Variants in PCDHGA12 observed in about 807,000 individuals in gnomAD.
The protein encoded by PCDHGA12 is protocadherin gamma subfamily A, 12.
Under a neutral mutation model 61.1 loss-of-function variants are expected in PCDHGA12, and 43 were observed. The ratio of observed to expected loss-of-function variants is 0.70; its 90% CI spans 0.55 to 0.91. PCDHGA12 has a LOEUF of 0.91. Among genes scored for constraint, PCDHGA12 ranks in the 40% least tolerant of loss-of-function variants. The pLI, the probability that PCDHGA12 is intolerant of heterozygous loss-of-function variation, is 0.00. For synonymous variants in PCDHGA12, 520 were observed against 542.9 expected (o/e 0.96, Z 0.59); for missense variants, 1,236 against 1,227.7 (o/e 1.01, Z -0.10).
intron 1 of PCDHGA12, among the ~76,000 whole-genome samples, chr5:141,492,337 C>T (rs559700346): frequency 1.0e-3 from 158 of 152,324 alleles, no homozygotes; most frequent in African/African-American, 3.7e-3. Flanking sequence ...TACGCGAATA[C>T]CAGCTTTCAC....
In PCDHGA12 at chr5:141,486,757, C is replaced by A; in HGVS notation, c.2425-8050C>A. 5 of 1,614,228 alleles carry A rather than the reference C, an allele frequency of 3.1e-6. No homozygotes were observed. Among genetic ancestry groups the A allele is most frequent in the Non-Finnish European group, 4.2e-6 (5 of 1,180,036 alleles). ...CTCGATCCTTTGACTATGAGCAAAC[C>A]CAGACACTGCAGTTTGAGGTGCAGG... On this transcript the variant is annotated intron_variant, in intron 1 of 3. Coordinates refer to ENST00000252085, the MANE Select transcript of PCDHGA12 (RefSeq NM_003735.3). This position sits in a 1 kb window ranked among gnomAD's most constrained non-coding sequence, Gnocchi z 5.0.
At chr5:141,483,648 TTGTGTGTGTG>T (rs111458813) in intron 1 of PCDHGA12, among the ~76,000 whole-genome samples, 35 of 149,708 alleles carry the variant, frequency 2.3e-4, no homozygotes, top group Non-Finnish European at 4.6e-4. Flanking sequence ...GGGTGTGTGT[TTGTGTGTGTG>T]TGTGTGTGTG....
chr5:141,494,764 T>A (rs773955144), intron 1 of PCDHGA12, 43 bp from the exon 2 acceptor site: 1 of 1,613,932 alleles, frequency 6.2e-7, no homozygotes, highest in Non-Finnish European at 8.5e-7. Context: ...ACATTCTAAC[T>A]TCTCACGGGT....
intron 1 of PCDHGA12, among the ~76,000 whole-genome samples, chr5:141,438,119 A>G (rs2097930168): frequency 6.6e-6 from 1 of 152,220 alleles, no homozygotes; most frequent in Non-Finnish European, 1.5e-5. Flanking sequence ...ATGCATTCCT[A>G]AAATATTAAT....
chr5:141,461,813 C>T (rs2099023751), intron 1 of PCDHGA12, among the ~76,000 whole-genome samples: 1 of 151,846 alleles, frequency 6.6e-6, no homozygotes, highest in African/African-American at 2.4e-5. Flanking sequence ...ACCACCACAC[C>T]CAGCTAATTT....
intron 1 of PCDHGA12, among the ~76,000 whole-genome samples, chr5:141,442,913 AACT>A (rs1163578304): frequency 6.6e-6 from 1 of 152,214 alleles, no homozygotes. Flanking sequence ...TTCAGCACAC[AACT>A]GTTTCATTTT....
chr5:141,506,253 G>A (rs1332023284), intron 3 of PCDHGA12, among the ~76,000 whole-genome samples: 2 of 151,862 alleles, frequency 1.3e-5, no homozygotes, highest in Non-Finnish European at 2.9e-5. Flanking sequence ...GTTCGAAACC[G>A]GCCTGGCCAA....
chr5:141,462,597 T>C (rs182073985), intron 1 of PCDHGA12, among the ~76,000 whole-genome samples: 1 of 152,320 alleles, frequency 6.6e-6, no homozygotes, highest in East Asian at 1.9e-4. Context: ...TTCCATTTCA[T>C]ATATTGTATT....
At chr5:141,463,610 G>A (rs189991450) in intron 1 of PCDHGA12, among the ~76,000 whole-genome samples, 2 of 151,672 alleles carry the variant, frequency 1.3e-5, no homozygotes, top group Admixed American at 6.6e-5. Flanking sequence ...CACCATGCCC[G>A]GCTAATTTTT....
At chr5:141,438,985 A>G (rs1461265086) in intron 1 of PCDHGA12, among the ~76,000 whole-genome samples, 1 of 151,940 alleles carries the variant, frequency 6.6e-6, no homozygotes, top group Non-Finnish European at 1.5e-5. Context: ...ACTTATCTTA[A>G]AAGGCTAAGG....
intron 2 of PCDHGA12, among the ~76,000 whole-genome samples, chr5:141,502,200 C>T (rs553356132): frequency 6.6e-6 from 1 of 152,252 alleles, no homozygotes; most frequent in African/African-American, 2.4e-5. Flanking sequence ...AATATAGAAT[C>T]CACCAGCAGA....
intron 1 of PCDHGA12, among the ~76,000 whole-genome samples, chr5:141,469,723 C>G (rs2099209474): frequency 6.6e-6 from 1 of 152,210 alleles, no homozygotes; most frequent in Non-Finnish European, 1.5e-5. Context: ...AGGAATTTAT[C>G]ATAAATACAC....
rs768938171 is a variant in PCDHGA12 at position 141,487,276 on chromosome 5, C to T, written c.2425-7531C>T. ...TGGCTGTGTCCCTAGTGGCAATTTG[C>T]TTTGTCTCCTTTGGCTCATTCGTGG... On this transcript the variant is annotated intron_variant, in intron 1 of 3. Transcript: ENST00000252085. The surrounding 1 kb of genome is among the most constrained non-coding windows in gnomAD (Gnocchi z 5.0). The T allele has an allele frequency of 2.5e-6, 4 of 1,614,158 alleles. No homozygotes were observed. The East Asian group carries it at 8.9e-5, about 36-fold the overall frequency.
In PCDHGA12 at chr5:141,485,051, CCGAACCGCG is replaced by C. The variant is rs2099605816; in HGVS notation, c.2425-9754_2425-9746del. On this transcript the variant is annotated intron_variant, in intron 1 of 3. Coordinates refer to ENST00000252085, the MANE Select transcript of PCDHGA12 (RefSeq NM_003735.3). This position sits in a 1 kb window ranked among gnomAD's most constrained non-coding sequence, Gnocchi z 5.7. ...CGGCGCGTAACCCTTGCGGCGCCGG[CCGAACCGCG>C]CCAGAGCTGGCGCGGGGAAAGGGAG... 1.2e-6 allele frequency: 1 copy of C among 801,304 alleles called. No individual in the cohort carries two copies. Among genetic ancestry groups the C allele is most frequent in the East Asian group, 2.5e-5 (1 of 40,224 alleles). 49.6% of individuals were successfully genotyped at this position (801,304 alleles called of 1,614,324 possible). A position where few individuals can be genotyped will look rare whatever the true frequency, so the allele number is the denominator to read the frequency against.
chr5:141,475,984 G>C (rs1282216343), intron 1 of PCDHGA12: 1 of 1,069,308 alleles, frequency 9.4e-7, no homozygotes, highest in Non-Finnish European at 1.3e-6. Flanking sequence ...AACAGCCGGC[G>C]AGCAAATCAA....
chr5:141,497,413 T>C (rs572922456), intron 2 of PCDHGA12, among the ~76,000 whole-genome samples: 8 of 152,046 alleles, frequency 5.3e-5, no homozygotes, highest in Admixed American at 5.2e-4. Context: ...TCCCATTCCA[T>C]CAAATGAGAG....
chr5:141,430,930 G>A lies in PCDHGA12; in HGVS notation c.171G>A (p.Arg57=). 1.2e-6 allele frequency: 2 copies of A among 1,607,320 alleles called. No individual in the cohort carries two copies. Among genetic ancestry groups the A allele is most frequent in the Non-Finnish European group, 1.7e-6 (2 of 1,177,256 alleles). Residue 57 remains arginine (R), a synonymous_variant, in exon 1 of 4, where the codon CGG becomes CGA. Transcript: ENST00000252085. ...CCAGGGACCTGGGGCTGGAGCCCCG[G>A]GAGCTCGCGGAGCGCGGAGTCCGCA... ...DISRDLGLEP[R]ELAERGVRII... is the part of the protein sequence containing the mutation.
intron 3 of PCDHGA12, 137 bp from the exon 4 acceptor site, chr5:141,510,810 A>T: frequency 6.6e-7 from 1 of 1,519,768 alleles, no homozygotes; most frequent in African/African-American, 1.4e-5. Context: ...TACCTTGGTG[A>T]CCCCTATATT....
rs528069305 is a variant in PCDHGA12, at chr5:141,457,143, T to A, written c.2424+23960T>A. Among the ~76,000 whole-genome samples the A allele has an allele frequency of 5.3e-5, 8 of 152,334 alleles. No homozygotes were observed. In the South Asian group the frequency reaches 1.5e-3, roughly 28 times the overall value. On this transcript the variant is annotated intron_variant, in intron 1 of 3. Transcript: ENST00000252085. ...ATGGAAACTCTGTCCAATATTTCAG[T>A]TAGAAGGTGCTACCATGGATAACCC...
Sources: gnomAD v4.1 joint callset for allele counts (sites outside exome capture counted in the v4.1 genomes callset) on GRCh38, gnomAD v4.1.1 for gene constraint, Gnocchi (gnomAD v3.1) non-coding constraint, MANE v1.5 for transcripts, NCBI Gene and HGNC (gene_info 2026-07-23, HGNC 2026-07-21) for gene names.